RPS6KA2: variants seen among roughly 807,000 people sequenced by gnomAD.
RPS6KA2 encodes the protein ribosomal protein S6 kinase alpha-2.
In RPS6KA2, 42 loss-of-function variants were observed where a neutral mutation model predicts 91.8. The observed-to-expected ratio is 0.46, with a 90% CI of 0.36 to 0.59. The LOEUF is 0.59. Ranked by LOEUF, RPS6KA2 falls within the 20% of genes least tolerant of loss-of-function variation. The pLI is 0.00. For synonymous variants in RPS6KA2, 414 were observed against 393.6 expected (o/e 1.05, Z -0.61); for missense variants, 798 against 978.5 (o/e 0.82, Z 2.46).
chr6:166,816,742 C>T (rs1429976223), intron 2 of RPS6KA2, among the ~76,000 whole-genome samples: 1 of 152,186 alleles, frequency 6.6e-6, no homozygotes, highest in Admixed American at 6.5e-5. Context: ...TAGAGTCAAA[C>T]TCACTCTCAG....
intron 2 of RPS6KA2, among the ~76,000 whole-genome samples, chr6:166,814,171 G>T (rs6918941): frequency 0.66 from 100,319 of 152,030 alleles, 33,727 homozygotes; most frequent in Non-Finnish European, 0.74. Flanking sequence ...ATGGATGATA[G>T]TATGTTTCAA....
Position 166,767,260 on chromosome 6 carries a change from A to T in RPS6KA2, c.123+90940T>A, listed in dbSNP as rs935533128. Among the ~76,000 whole-genome samples the T allele has an allele frequency of 2.0e-5, 3 of 152,182 alleles. No homozygotes were observed. Among genetic ancestry groups the T allele is most frequent in the Non-Finnish European group, 2.9e-5 (2 of 68,038 alleles). On this transcript the variant is annotated intron_variant, in intron 2 of 21. Transcript: ENST00000503859. The surrounding 1 kb of genome is among the most constrained non-coding windows in gnomAD (Gnocchi z 4.6). ...CAACGCCATCAAAAAGCAAAATACA[A>T]CTGCGACTACCGTCTCACACGCTTC...
chr6:166,645,958 G>A (rs538857438), intron 2 of RPS6KA2, among the ~76,000 whole-genome samples: 1 of 152,294 alleles, frequency 6.6e-6, no homozygotes, highest in South Asian at 2.1e-4. Flanking sequence ...CTGCCAAAGC[G>A]GGCCTGGAGT....
chr6:166,808,448 G>A (rs963145645), intron 2 of RPS6KA2, among the ~76,000 whole-genome samples: 6 of 152,162 alleles, frequency 3.9e-5, no homozygotes, highest in African/African-American at 1.4e-4. Flanking sequence ...TTCATGGTCT[G>A]TCTCACCCCA....
At chr6:166,681,477 C>T (rs1309145445) in intron 2 of RPS6KA2, among the ~76,000 whole-genome samples, 1 of 152,128 alleles carries the variant, frequency 6.6e-6, no homozygotes, top group African/African-American at 2.4e-5. Context: ...CATCTCCTAC[C>T]CCTAATTCCT....
At chr6:166,567,726 G>A (rs770839413) in intron 1 of RPS6KA2, among the ~76,000 whole-genome samples, 11 of 152,120 alleles carry the variant, frequency 7.2e-5, no homozygotes, top group Non-Finnish European at 1.2e-4. Flanking sequence ...GCACATGCTC[G>A]GCCCTCAGTC....
intron 2 of RPS6KA2, among the ~76,000 whole-genome samples, chr6:166,800,558 C>A (rs1036693558): frequency 3.3e-5 from 5 of 152,186 alleles, no homozygotes; most frequent in Non-Finnish European, 7.3e-5. Context: ...CAGCACTTAG[C>A]CCCTCTGGAG....
chr6:166,805,157 A>G (rs1779459496), intron 2 of RPS6KA2, among the ~76,000 whole-genome samples: 1 of 152,228 alleles, frequency 6.6e-6, no homozygotes, highest in South Asian at 2.1e-4. Context: ...ACATTTGGTC[A>G]ATTTTACCTC....
intron 2 of RPS6KA2, among the ~76,000 whole-genome samples, chr6:166,816,681 T>C (rs976737717): frequency 3.0e-4 from 46 of 152,338 alleles, no homozygotes; most frequent in African/African-American, 1.0e-3. Flanking sequence ...TTACAGGACA[T>C]TTTAAACAGT....
chr6:166,845,046 G>T (rs1021357072), intron 2 of RPS6KA2, among the ~76,000 whole-genome samples: 1 of 152,068 alleles, frequency 6.6e-6, no homozygotes, highest in African/African-American at 2.4e-5. Flanking sequence ...CATACCAAAA[G>T]CAAGCAGGAG....
intron 2 of RPS6KA2, among the ~76,000 whole-genome samples, chr6:166,745,148 C>CTTTT (rs147789754): frequency 6.6e-5 from 7 of 105,920 alleles, no homozygotes; most frequent in Admixed American, 2.0e-4. Context: ...CCTAATCGGC[C>CTTTT]TTTTTTTTTT....
intron 1 of RPS6KA2, among the ~76,000 whole-genome samples, chr6:166,614,449 G>GGCCCT (rs994129818): frequency 6.6e-6 from 1 of 152,184 alleles, no homozygotes; most frequent in African/African-American, 2.4e-5. Context: ...TCTGTGACCA[G>GGCCCT]GCCCTGCCCT....
intron 10 of RPS6KA2, among the ~76,000 whole-genome samples, chr6:166,483,797 GA>G (rs1781317711): frequency 6.6e-6 from 1 of 152,238 alleles, no homozygotes; most frequent in Non-Finnish European, 1.5e-5. Context: ...AGGGTCCCGG[GA>G]CAAGCCCTTG....
intron 1 of RPS6KA2, among the ~76,000 whole-genome samples, chr6:166,581,282 C>T (rs947588969): frequency 6.6e-6 from 1 of 152,192 alleles, no homozygotes; most frequent in African/African-American, 2.4e-5. Flanking sequence ...TTGACAGCAT[C>T]AGCCTTTCTC....
At chr6:166,472,053 T>C (rs1780791873) in intron 10 of RPS6KA2, among the ~76,000 whole-genome samples, 1 of 152,188 alleles carries the variant, frequency 6.6e-6, no homozygotes, top group South Asian at 2.1e-4. Flanking sequence ...TGACCAGAAC[T>C]CTGGGTTGAA....
chr6:166,414,051 G>T, intron 19 of RPS6KA2, 120 bp from the exon 20 acceptor site: 1 of 832,676 alleles, frequency 1.2e-6, no homozygotes, highest in Non-Finnish European at 1.8e-6. Flanking sequence ...GCTGAGTGTG[G>T]GTCTTTGCAT....
intron 2 of RPS6KA2, among the ~76,000 whole-genome samples, chr6:166,826,788 G>C (rs1780058911): frequency 6.6e-6 from 1 of 152,144 alleles, no homozygotes; most frequent in East Asian, 1.9e-4. Context: ...ATAGGGCTTG[G>C]TCTACTGGAT....
chr6:166,640,084 T>C (rs1410512640), intron 2 of RPS6KA2, among the ~76,000 whole-genome samples: 2 of 152,096 alleles, frequency 1.3e-5, no homozygotes, highest in Non-Finnish European at 2.9e-5. Flanking sequence ...GGTGAGGCTC[T>C]AGGAGGTTAA....
At chr6:166,613,010 G>A (rs1336901600) in intron 1 of RPS6KA2, among the ~76,000 whole-genome samples, 1 of 152,216 alleles carries the variant, frequency 6.6e-6, no homozygotes, top group Non-Finnish European at 1.5e-5. Context: ...AGCTGACCCA[G>A]AGGACACGGA....
Sources: allele counts gnomAD v4.1 joint callset (sites outside exome capture counted in the v4.1 genomes callset), GRCh38; gene constraint gnomAD v4.1.1; non-coding constraint Gnocchi (gnomAD v3.1); transcripts MANE v1.5; gene names NCBI Gene and HGNC (gene_info 2026-07-23, HGNC 2026-07-21).